The following NAALADL2 variants were observed in gnomAD, a reference collection of about 807,000 sequenced individuals.
The protein encoded by NAALADL2 is N-acetylated alpha-linked acidic dipeptidase like 2.
Under a neutral mutation model 87.2 loss-of-function variants are expected in NAALADL2, and 76 were observed. That is an observed-to-expected ratio of 0.87 (90% CI 0.72 to 1.05). NAALADL2 has a LOEUF of 1.05. Ranked by LOEUF, NAALADL2 falls within the 50% of genes least tolerant of loss-of-function variation. The probability of loss-of-function intolerance (pLI) is 0.00; values close to 1 mark genes in which losing one functional copy is unlikely to be tolerated. For synonymous variants in NAALADL2, 354 were observed against 331.0 expected (o/e 1.07, Z -0.75); for missense variants, 1,089 against 945.8 (o/e 1.15, Z -1.99).
At chr3:174,462,003 G>A (rs1559998184) in intron 1 of NAALADL2, among the ~76,000 whole-genome samples, 1 of 151,818 alleles carries the variant, frequency 6.6e-6, no homozygotes, top group Non-Finnish European at 1.5e-5. Flanking sequence ...ATTCTACTTA[G>A]ACTATTTTAG....
chr3:175,370,932 T>A (rs2148948324), intron 5 of NAALADL2, among the ~76,000 whole-genome samples: 1 of 152,292 alleles, frequency 6.6e-6, no homozygotes, highest in East Asian at 1.9e-4. Context: ...TAGAGAATGC[T>A]TGCTCTCTGG....
chr3:175,686,696 T>C (rs2149899867), intron 11 of NAALADL2, among the ~76,000 whole-genome samples: 1 of 152,304 alleles, frequency 6.6e-6, no homozygotes, highest in South Asian at 2.1e-4. Flanking sequence ...CGTGAAGATT[T>C]ATATAACAAA....
intron 4 of NAALADL2, among the ~76,000 whole-genome samples, chr3:175,315,517 T>G (rs1759025921): frequency 6.6e-6 from 1 of 152,162 alleles, no homozygotes; most frequent in Non-Finnish European, 1.5e-5. Context: ...ATAAAACACT[T>G]TTTGAAGAAC....
intron 5 of NAALADL2, among the ~76,000 whole-genome samples, chr3:175,397,952 T>A (rs182479822): frequency 2.8e-4 from 42 of 152,254 alleles, no homozygotes; most frequent in African/African-American, 7.7e-4. Context: ...TAAAGCCAGT[T>A]TATTGTTTTA....
At chr3:174,619,736 CT>C (rs1016089460) in intron 2 of NAALADL2, among the ~76,000 whole-genome samples, 8 of 151,894 alleles carry the variant, frequency 5.3e-5, no homozygotes, top group Non-Finnish European at 8.8e-5. Flanking sequence ...CCACAGCTTT[CT>C]TTTTGAAAAT....
chr3:175,563,388 C>A (rs953867109), intron 9 of NAALADL2, among the ~76,000 whole-genome samples: 3 of 151,382 alleles, frequency 2.0e-5, no homozygotes, highest in African/African-American at 7.3e-5. Flanking sequence ...TTTTGCCCAG[C>A]AAGAAATTAA....
At chr3:175,605,645 T>TTTTTGTTTG (rs1553931391) in intron 10 of NAALADL2, among the ~76,000 whole-genome samples, 2 of 33,100 alleles carry the variant, frequency 6.0e-5, no homozygotes, top group African/African-American at 1.0e-4. Flanking sequence ...TGCTTGTTTT[T>TTTTTGTTTG]TTTTTTTTTT....
In NAALADL2 at chr3:175,284,197, T is replaced by TTTTTC. The variant is rs1227875674; in HGVS notation, c.939+27669_939+27670insTTCTT. Among the ~76,000 whole-genome samples the TTTTTC allele has an allele frequency of 9.9e-5, 15 of 151,430 alleles. No individual in the cohort carries two copies. The East Asian group carries it at 2.9e-3, about 29-fold the overall frequency. ...TTCCTTTACACTGTGTTTTTTTTTT[T>TTTTTC]TTCTGTCTTGCTTTAAATGTGCTTT... is the stretch of plus-strand genomic sequence containing the variant. On this transcript the variant is annotated intron_variant, in intron 4 of 13. Transcript: ENST00000454872.
intron 12 of NAALADL2, among the ~76,000 whole-genome samples, chr3:175,745,937 G>A (rs1461569135): frequency 1.3e-5 from 2 of 152,048 alleles, no homozygotes; most frequent in African/African-American, 4.8e-5. Context: ...TTCTTAAATA[G>A]CATTATCGTA....
At position 175,282,504 on chromosome 3, in the gene NAALADL2, A is replaced by G. The variant is rs560437963; in HGVS notation, c.939+25974A>G. On this transcript the variant is annotated intron_variant, in intron 4 of 13. Coordinates refer to ENST00000454872, the MANE Select transcript of NAALADL2 (RefSeq NM_207015.3). The stretch of plus-strand genomic sequence containing the variant: ...GAAAGAGGAAGAGGGAGGGAGTAAA[A>G]AGAATATCATCTGAATAAAAGTAAA... 3.9e-5 allele frequency among the ~76,000 whole-genome samples: 6 copies of G among 152,142 alleles called. No homozygotes were observed. The South Asian group carries it at 1.2e-3, about 32-fold the overall frequency.
Position 175,080,551 on chromosome 3 carries a change from A to G in NAALADL2, c.44-16239A>G, listed in dbSNP as rs903747255. ...CATAATATAAGCTTATCGAAGCAGAATTGCAGCTGCTTGGCAGTATGAGTT... is the reference window on the plus strand; with the variant it reads ...CATAATATAAGCTTATCGAAGCAGAGTTGCAGCTGCTTGGCAGTATGAGTT... On this transcript the variant is annotated intron_variant, in intron 1 of 13. Transcript: ENST00000454872. Among the ~76,000 whole-genome samples, 3 of 152,206 alleles carry G rather than the reference A, an allele frequency of 2.0e-5. No homozygotes were observed. The East Asian group carries it at 5.8e-4, about 29-fold the overall frequency.
intron 3 of NAALADL2, among the ~76,000 whole-genome samples, chr3:174,780,278 CTGTT>C (rs1346643354): frequency 3.3e-5 from 5 of 152,092 alleles, no homozygotes; most frequent in Non-Finnish European, 5.9e-5. Context: ...ATTTGGCTCT[CTGTT>C]TGTCTGTTAT....
At chr3:175,665,407 A>T (rs1015567730) in intron 11 of NAALADL2, among the ~76,000 whole-genome samples, 1 of 152,210 alleles carries the variant, frequency 6.6e-6, no homozygotes, top group African/African-American at 2.4e-5. Context: ...TAAATTAGAG[A>T]GCAATACTTT....
intron 1 of NAALADL2, among the ~76,000 whole-genome samples, chr3:175,058,175 A>G (rs946835211): frequency 1.3e-5 from 2 of 152,196 alleles, no homozygotes; most frequent in African/African-American, 4.8e-5. Flanking sequence ...TTTTCTAACC[A>G]TTGTTAGTTT....
At chr3:175,740,117 G>C (rs911449330) in intron 12 of NAALADL2, among the ~76,000 whole-genome samples, 1 of 152,092 alleles carries the variant, frequency 6.6e-6, no homozygotes, top group African/African-American at 2.4e-5. Context: ...AGGAGGAGTG[G>C]CCAAAAAATA....
intron 2 of NAALADL2, among the ~76,000 whole-genome samples, chr3:174,624,683 AAC>A (rs2108677334): frequency 6.6e-6 from 1 of 152,186 alleles, no homozygotes; most frequent in East Asian, 1.9e-4. Context: ...TTATGTCAAA[AAC>A]TGTTCATTTC....
intron 2 of NAALADL2, among the ~76,000 whole-genome samples, chr3:174,707,802 A>T (rs1283129848): frequency 1.3e-5 from 2 of 152,202 alleles, no homozygotes; most frequent in African/African-American, 4.8e-5. Context: ...AATAAAAAAA[A>T]ATTTTAAAAA....
chr3:174,504,165 T>G (rs1285452556), intron 1 of NAALADL2, among the ~76,000 whole-genome samples: 1 of 152,126 alleles, frequency 6.6e-6, no homozygotes, highest in African/African-American at 2.4e-5. Context: ...GTTGGACAAA[T>G]AAAGATCAGG....
At chr3:175,204,864 T>C (rs1309223993) in intron 2 of NAALADL2, among the ~76,000 whole-genome samples, 1 of 151,480 alleles carries the variant, frequency 6.6e-6, no homozygotes, top group African/African-American at 2.4e-5. Flanking sequence ...AAAATAATAA[T>C]AATAAAATAA....
Sources: gnomAD v4.1 joint callset for allele counts (sites outside exome capture counted in the v4.1 genomes callset) on GRCh38, gnomAD v4.1.1 for gene constraint, MANE v1.5 for transcripts, NCBI Gene and HGNC (gene_info 2026-07-23, HGNC 2026-07-21) for gene names.